Variants in CSMD1 observed in about 807,000 individuals in gnomAD.
The protein encoded by CSMD1 is CUB and Sushi multiple domains 1.
In CSMD1, 213 loss-of-function variants were observed where a neutral mutation model predicts 417.5. The observed-to-expected ratio is 0.51, with a 90% CI of 0.46 to 0.57. The LOEUF is 0.57. CSMD1 is among the 20% of genes least tolerant of loss of function. CSMD1 has a pLI of 0.00. For synonymous variants in CSMD1, 2,862 were observed against 1,736.8 expected (o/e 1.65, Z -16.11); for missense variants, 6,923 against 4,529.7 (o/e 1.53, Z -15.17).
intron 5 of CSMD1, among the ~76,000 whole-genome samples, chr8:3,930,734 A>T (rs1359315113): frequency 6.6e-6 from 1 of 150,468 alleles, no homozygotes; most frequent in African/African-American, 2.5e-5. Flanking sequence ...GAGGAAATTA[A>T]ATTTATGTTC....
intron 10 of CSMD1, among the ~76,000 whole-genome samples, chr8:3,521,123 C>T (rs1262075841): frequency 6.6e-6 from 1 of 151,858 alleles, no homozygotes; most frequent in Admixed American, 6.6e-5. Context: ...CTACCAGTCA[C>T]CATTCCAGTC....
At chr8:4,285,396 C>T (rs1419082671) in intron 3 of CSMD1, among the ~76,000 whole-genome samples, 2 of 152,094 alleles carry the variant, frequency 1.3e-5, no homozygotes, top group East Asian at 1.9e-4. Flanking sequence ...GAATTTGTGG[C>T]CATGAATCTT....
chr8:4,054,145 T>C lies in CSMD1; in HGVS notation c.416-22046A>G, dbSNP rs117348640. Among the ~76,000 whole-genome samples, 1,190 of 152,212 alleles carry C rather than the reference T, an allele frequency of 7.8e-3. 3 individuals carry two copies. Among genetic ancestry groups the C allele is most frequent in the Admixed American group, 0.011 (173 of 15,290 alleles). ...CATTCTCCACTTTTTTCTATGTAAG[T>C]ACAGAACTCCTCATTACCACCATCA... On this transcript the variant is annotated intron_variant, in intron 3 of 69. Coordinates refer to ENST00000635120, the MANE Select transcript of CSMD1 (RefSeq NM_033225.6).
intron 3 of CSMD1, among the ~76,000 whole-genome samples, chr8:4,237,898 T>G: frequency 6.6e-6 from 1 of 152,142 alleles, no homozygotes; most frequent in Non-Finnish European, 1.5e-5. Context: ...GAAGTCTATC[T>G]AAATAATAAA....
At chr8:4,737,705 C>G (rs549013597) in intron 1 of CSMD1, among the ~76,000 whole-genome samples, 3 of 152,210 alleles carry the variant, frequency 2.0e-5, no homozygotes, top group Non-Finnish European at 2.9e-5. Flanking sequence ...AATTCGGCTG[C>G]TGAAGTACCT....
intron 3 of CSMD1, among the ~76,000 whole-genome samples, chr8:4,121,050 G>C (rs576348007): frequency 9.9e-5 from 15 of 151,904 alleles, no homozygotes; most frequent in East Asian, 9.7e-4. Flanking sequence ...GAACAAAGGA[G>C]TTTCTTTTCT....
chr8:3,266,314 A>T (rs1424626492), intron 26 of CSMD1, among the ~76,000 whole-genome samples: 1 of 151,584 alleles, frequency 6.6e-6, no homozygotes, highest in African/African-American at 2.4e-5. Flanking sequence ...GCCGTTTAAG[A>T]GAACCACCCG....
chr8:3,352,206 A>T (rs1808468180), intron 21 of CSMD1, among the ~76,000 whole-genome samples: 1 of 152,156 alleles, frequency 6.6e-6, no homozygotes, highest in African/African-American at 2.4e-5. Context: ...GACAAATAGG[A>T]TGTTTTTATG....
Position 4,113,997 on chromosome 8 carries a change from G to T in CSMD1, c.416-81898C>A, listed in dbSNP as rs181023599. 1.5e-3 allele frequency among the ~76,000 whole-genome samples: 225 copies of T among 152,292 alleles called. 1 individual carries two copies. Among genetic ancestry groups the T allele is most frequent in the Non-Finnish European group, 2.1e-3 (146 of 68,026 alleles). On this transcript the variant is annotated intron_variant, in intron 3 of 69. Transcript: ENST00000635120. ...AGGTGAAGCAGCAAATGTCAATGTA[G>T]AAGCTGCAGCACGTTCTCCAGAACA...
chr8:3,597,195 C>A (rs1000204412), intron 8 of CSMD1, among the ~76,000 whole-genome samples: 1 of 152,158 alleles, frequency 6.6e-6, no homozygotes, highest in African/African-American at 2.4e-5. Context: ...GAAGGGGACA[C>A]AGGAACTGAG....
At chr8:2,968,337 T>C (rs1804149690) in intron 57 of CSMD1, among the ~76,000 whole-genome samples, 1 of 152,220 alleles carries the variant, frequency 6.6e-6, no homozygotes, top group Non-Finnish European at 1.5e-5. Context: ...GATGTTATTG[T>C]TACATTGTAT....
chr8:4,842,948 A>C, intron 1 of CSMD1, among the ~76,000 whole-genome samples: 1 of 152,218 alleles, frequency 6.6e-6, no homozygotes, highest in East Asian at 1.9e-4. Flanking sequence ...TGTATGTGAA[A>C]ATCAGCAGAT....
At chr8:3,312,886 C>G (rs138036171) in intron 23 of CSMD1, among the ~76,000 whole-genome samples, 106 of 152,276 alleles carry the variant, frequency 7.0e-4, no homozygotes, top group African/African-American at 2.4e-3. Flanking sequence ...TACAGCCTAG[C>G]CTGCTGTTTC....
At chr8:4,028,662 T>C (rs557652972) in intron 4 of CSMD1, among the ~76,000 whole-genome samples, 5 of 152,358 alleles carry the variant, frequency 3.3e-5, no homozygotes, top group South Asian at 2.1e-4. Flanking sequence ...GTTTGGGTCA[T>C]AACATTTACT....
At chr8:4,126,049 C>G (rs925329242) in intron 3 of CSMD1, among the ~76,000 whole-genome samples, 5 of 152,072 alleles carry the variant, frequency 3.3e-5, no homozygotes, top group East Asian at 1.9e-4. Context: ...GACTTTTAAT[C>G]TGGCCCGACC....
chr8:3,718,328 T>C (rs1801957217), intron 6 of CSMD1, among the ~76,000 whole-genome samples: 2 of 152,276 alleles, frequency 1.3e-5, no homozygotes, highest in Admixed American at 1.3e-4. Flanking sequence ...TGTCCTTGAA[T>C]AGGGACTTTT....
At chr8:3,681,766 C>T (rs1216073479) in intron 7 of CSMD1, among the ~76,000 whole-genome samples, 2 of 152,172 alleles carry the variant, frequency 1.3e-5, no homozygotes, top group African/African-American at 4.8e-5. Context: ...AAGCTGGAGG[C>T]ATCACACTAC....
intron 7 of CSMD1, among the ~76,000 whole-genome samples, chr8:3,671,560 CATATATATATATATATATAT>C (rs752837903): frequency 0.078 from 506 of 6,496 alleles, 57 homozygotes; most frequent in Admixed American, 0.17. Flanking sequence ...TATATATGAT[CATATATATATATATATATAT>C]ATATATATAT....
At chr8:4,864,300 G>C (rs186163779) in intron 1 of CSMD1, among the ~76,000 whole-genome samples, 1 of 151,208 alleles carries the variant, frequency 6.6e-6, no homozygotes, top group East Asian at 2.0e-4. Context: ...CACAAATTTA[G>C]AACTAAAAAA....
Sources: gnomAD v4.1 joint callset for allele counts (sites outside exome capture counted in the v4.1 genomes callset) on GRCh38, gnomAD v4.1.1 for gene constraint, MANE v1.5 for transcripts, NCBI Gene and HGNC (gene_info 2026-07-23, HGNC 2026-07-21) for gene names.